YLPM1: variants seen among roughly 807,000 people sequenced by gnomAD.
YLPM1 encodes YLP motif-containing protein 1.
YLPM1 carries 99 observed loss-of-function variants against 230.0 expected under a neutral mutation model. The ratio of observed to expected loss-of-function variants is 0.43; its 90% CI spans 0.37 to 0.51. The LOEUF is 0.51. YLPM1 is among the 20% of genes least tolerant of loss of function. YLPM1 has a pLI of 0.00. For missense variants in YLPM1, 2,592 were observed against 2,707.7 expected (o/e 0.96, Z 0.95); for synonymous variants, 984 against 942.5 (o/e 1.04, Z -0.81).
chr14:74,828,130 C>G, intron 18 of YLPM1: 1 of 460,532 alleles, frequency 2.2e-6, no homozygotes, highest in Non-Finnish European at 2.9e-6. Context: ...GAAACGTAAA[C>G]TCACCCTTTC....
chr14:74,810,804 CTATT>C (rs1180640141), intron 9 of YLPM1, among the ~76,000 whole-genome samples: 2 of 151,950 alleles, frequency 1.3e-5, no homozygotes, highest in Non-Finnish European at 2.9e-5. Context: ...AGCCCATGAA[CTATT>C]TATTTATTTA....
intron 11 of YLPM1, among the ~76,000 whole-genome samples, chr14:74,814,886 T>G (rs1297459831): frequency 6.6e-6 from 1 of 152,240 alleles, no homozygotes; most frequent in Non-Finnish European, 1.5e-5. Context: ...AATTATTGTC[T>G]TAGATTCTTC....
chr14:74,801,647 A>C (rs1233916989), intron 5 of YLPM1, among the ~76,000 whole-genome samples: 2 of 152,222 alleles, frequency 1.3e-5, no homozygotes, highest in Non-Finnish European at 2.9e-5. Flanking sequence ...AAGTGGGCCA[A>C]GTATAACTCT....
rs940358800 is a variant in YLPM1, at chr14:74,835,885, A to G, written c.*147A>G. ...TGTTTCTACTGCTTTAGTTTTTTTT[A>G]AAGTTCTCCAGTGTCCCCAAGAGGT... On this transcript the variant is annotated 3_prime_UTR_variant, in exon 21 of 21. Coordinates refer to ENST00000325680, the MANE Select transcript of YLPM1 (RefSeq NM_019589.3). The G allele has an allele frequency of 2.2e-5, 10 of 455,880 alleles. No individual in the cohort carries two copies. Among genetic ancestry groups the G allele is most frequent in the African/African-American group, 1.2e-4 (6 of 49,948 alleles). 28.2% of individuals were successfully genotyped at this position (455,880 alleles called of 1,614,324 possible).
intron 20 of YLPM1, 26 bp downstream of exon 20, chr14:74,835,473 GC>G: frequency 6.3e-7 from 1 of 1,575,358 alleles, no homozygotes. Flanking sequence ...CATATAAATA[GC>G]CTACTGTGTG....
intron 4 of YLPM1, among the ~76,000 whole-genome samples, chr14:74,795,767 G>A (rs1268810240): frequency 6.6e-6 from 1 of 152,154 alleles, no homozygotes; most frequent in African/African-American, 2.4e-5. Flanking sequence ...TGCTTATAAG[G>A]TAACACCAAA....
rs2091280836 is a variant in YLPM1 at position 74,797,988 on chromosome 14, G to T, written c.2691G>T (p.Gln897His). 4 of 1,611,094 alleles carry T rather than the reference G, an allele frequency of 2.5e-6. No individual in the cohort carries two copies. Among genetic ancestry groups the T allele is most frequent in the Non-Finnish European group, 3.4e-6 (4 of 1,178,354 alleles). Reference protein sequence around the residue: ...AADVKDVKAAQSNENLSDSQQ... With the variant: ...AADVKDVKAAHSNENLSDSQQ... ...ATGTAAAGGATGTCAAGGCGGCTCA[G>T]TCAAATGAGAATCTAAGCGACTCTC... Residue 897 changes from glutamine (Q) to histidine (H), a missense_variant, in exon 5 of 21, where the codon CAG (glutamine) becomes CAT (histidine). Coordinates refer to ENST00000325680, the MANE Select transcript of YLPM1 (RefSeq NM_019589.3).
intron 1 of YLPM1, among the ~76,000 whole-genome samples, chr14:74,766,636 A>ATTTT (rs34932979): frequency 3.6e-5 from 4 of 110,330 alleles, no homozygotes; most frequent in Non-Finnish European, 5.4e-5. Context: ...ATGCCTGGCT[A>ATTTT]TTTTTTTTTT....
At chr14:74,770,984 T>C (rs534465433) in intron 1 of YLPM1, among the ~76,000 whole-genome samples, 1 of 152,318 alleles carries the variant, frequency 6.6e-6, no homozygotes, top group East Asian at 1.9e-4. Context: ...TGGAGAAATA[T>C]TTAGCTGCTA....
intron 1 of YLPM1, among the ~76,000 whole-genome samples, chr14:74,773,043 T>A (rs2090994384): frequency 6.6e-6 from 1 of 151,930 alleles, no homozygotes; most frequent in Non-Finnish European, 1.5e-5. Context: ...ATCCCAGCAC[T>A]TTGGGAGGCT....
intron 15 of YLPM1, among the ~76,000 whole-genome samples, chr14:74,817,665 G>A (rs1393957160): frequency 6.6e-6 from 1 of 152,094 alleles, no homozygotes; most frequent in Non-Finnish European, 1.5e-5. Context: ...TTGTCTGGAA[G>A]CTCTTGTTTA....
At position 74,834,210 on chromosome 14, in the gene YLPM1, T is replaced by A. The variant is rs796628499; in HGVS notation, c.6295-1055T>A. On this transcript the variant is annotated intron_variant, in intron 19 of 20. Coordinates refer to ENST00000325680, the MANE Select transcript of YLPM1 (RefSeq NM_019589.3). ...AAAAAAAAAAAAAAAATTACAAAAA[T>A]TTTTAAAAAGCATAATATGTAAGAA... Among the ~76,000 whole-genome samples, 22 of 151,006 alleles carry A rather than the reference T, an allele frequency of 1.5e-4. No individual in the cohort carries two copies. In the South Asian group the frequency reaches 4.6e-3, roughly 31 times the overall value.
chr14:74,764,452 C>T (rs919842117), intron 1 of YLPM1, 90 bp downstream of exon 1: 3 of 1,413,628 alleles, frequency 2.1e-6, no homozygotes, highest in South Asian at 1.5e-5. Context: ...TAGTCTAATT[C>T]CAACACACAA....
intron 1 of YLPM1, among the ~76,000 whole-genome samples, chr14:74,773,711 C>CTTTTTTTTTTTTTTTTTT (rs766885242): frequency 1.7e-5 from 1 of 60,564 alleles, no homozygotes; most frequent in Non-Finnish European, 3.1e-5. Flanking sequence ...TGTTTTCTTT[C>CTTTTTTTTTTTTTTTTTT]TTTTTTTTTT....
At chr14:74,783,823 T>C (rs2091119605) in intron 4 of YLPM1, among the ~76,000 whole-genome samples, 1 of 152,182 alleles carries the variant, frequency 6.6e-6, no homozygotes, top group Non-Finnish European at 1.5e-5. Flanking sequence ...CACACATTAT[T>C]ATCTCATGGA....
rs1302985738 is a variant in YLPM1, at chr14:74,798,905, A to G, written c.3608A>G (p.Glu1203Gly). The G allele has an allele frequency of 1.2e-6, 2 of 1,613,820 alleles. No individual in the cohort carries two copies. Among genetic ancestry groups the G allele is most frequent in the East Asian group, 4.5e-5 (2 of 44,886 alleles). Reference sequence around the variant, plus strand: ...CATGGAGAAGAGCGAGGGCATGAAGAGTTTCCATTAGATGGTAGAAATGCT... The same window carrying G: ...CATGGAGAAGAGCGAGGGCATGAAGGGTTTCCATTAGATGGTAGAAATGCT... ...WNHGEERGHE[E>G]FPLDGRNAPM... is the part of the protein sequence containing the mutation. The change falls in exon 5 of 21, where the codon GAG becomes GGG. Residue 1203 changes from glutamate (E) to glycine (G), a missense_variant. Glu to Gly is a moderately conservative substitution (Grantham distance 98). Around this residue, in one of 4 missense-constraint regions of YLPM1, gnomAD observed 1,862 missense variants for 1,819.8 expected, o/e 1.02. Coordinates refer to ENST00000325680, the MANE Select transcript of YLPM1 (RefSeq NM_019589.3).
At chr14:74,802,422 A>G (rs931237972) in intron 5 of YLPM1, 134 bp from the exon 6 acceptor site, 74 of 831,332 alleles carry the variant, frequency 8.9e-5, no homozygotes, top group Non-Finnish European at 1.1e-4. Context: ...GGAGCTGCTC[A>G]GTGTATGGCC....
chr14:74,827,298 C>A, intron 18 of YLPM1: 1 of 970,678 alleles, frequency 1.0e-6, no homozygotes, highest in Non-Finnish European at 1.2e-6. Flanking sequence ...GAACACCAGT[C>A]TTTATTCTGT....
chr14:74,823,206 G>A (rs891265498), intron 17 of YLPM1, among the ~76,000 whole-genome samples: 2 of 152,062 alleles, frequency 1.3e-5, no homozygotes, highest in African/African-American at 4.8e-5. Context: ...AATGCTTTGT[G>A]ACTTACTTTA....
Sources: gnomAD v4.1 joint callset for allele counts (sites outside exome capture counted in the v4.1 genomes callset) on GRCh38, gnomAD v4.1.1 for gene constraint, gnomAD v4.1.1 regional missense constraint, MANE v1.5 for transcripts, NCBI Gene and HGNC (gene_info 2026-07-23, HGNC 2026-07-21) for gene names.